The following WWOX variants were observed in gnomAD, a reference collection of about 807,000 sequenced individuals.
The protein encoded by WWOX is WW domain containing oxidoreductase.
In WWOX, 69 loss-of-function variants were observed where a neutral mutation model predicts 46.2. That is an observed-to-expected ratio of 1.49 (90% confidence interval 1.23 to 1.82). The LOEUF is 1.82. Ranked by LOEUF, WWOX falls within the 40% of genes most tolerant of loss-of-function variation. The pLI, the probability that WWOX is intolerant of heterozygous loss-of-function variation, is 0.00. For missense variants in WWOX, 919 were observed against 542.6 expected, an observed-to-expected ratio of 1.69 and a Z score of -6.89; for synonymous variants, 359 against 202.6, an observed-to-expected ratio of 1.77 and a Z score of -6.56.
intron 5 of WWOX, among the ~76,000 whole-genome samples, chr16:78,216,931 G>C (rs9934402): frequency 0.85 from 129,177 of 152,118 alleles, 55,362 homozygotes; most frequent in African/African-American, 0.96. Context: ...CCATGTTGGC[G>C]AGGCTGGTCT....
At chr16:78,979,198 A>AG (rs1167476462) in intron 8 of WWOX, among the ~76,000 whole-genome samples, 5 of 152,134 alleles carry the variant, frequency 3.3e-5, no homozygotes, top group African/African-American at 1.2e-4. Flanking sequence ...CGTTACAAAA[A>AG]GAATTCACAT....
chr16:79,102,921 C>G (rs1482691505), intron 8 of WWOX, among the ~76,000 whole-genome samples: 1 of 150,046 alleles, frequency 6.7e-6, no homozygotes, highest in Non-Finnish European at 1.5e-5. Context: ...GGCTCCTCCT[C>G]TCTGTCCTCT....
intron 8 of WWOX, among the ~76,000 whole-genome samples, chr16:79,007,909 C>T (rs2047221543): frequency 6.6e-6 from 1 of 152,190 alleles, no homozygotes; most frequent in African/African-American, 2.4e-5. Context: ...CTCATAACAA[C>T]CTTGGGAGGT....
intron 8 of WWOX, among the ~76,000 whole-genome samples, chr16:79,008,976 C>G (rs149000648): frequency 5.9e-5 from 9 of 152,342 alleles, no homozygotes; most frequent in African/African-American, 1.4e-4. Context: ...AGCTCTGTGA[C>G]GCCAGTGCAA....
chr16:78,369,844 A>G (rs1230750115), intron 5 of WWOX, among the ~76,000 whole-genome samples: 2 of 151,892 alleles, frequency 1.3e-5, no homozygotes, highest in Non-Finnish European at 2.9e-5. Flanking sequence ...TGTAATGGAA[A>G]CCATAAGGGC....
At position 78,900,660 on chromosome 16, in the gene WWOX, T is replaced by C. The variant is rs191425633; in HGVS notation, c.1057-310948T>C. Among the ~76,000 whole-genome samples, 99 of 152,318 alleles carry C rather than the reference T, an allele frequency of 6.5e-4. 1 individual carries two copies. Among genetic ancestry groups the C allele is most frequent in the Middle Eastern group, 6.8e-3 (2 of 294 alleles). On this transcript the variant is annotated intron_variant, in intron 8 of 8. Coordinates refer to ENST00000566780, the MANE Select transcript of WWOX (RefSeq NM_016373.4). ...CTTTCCTCTTTGGTTGCTTTGTAAATCTATTACTCATCAGATCATATGTTT... is the reference window on the plus strand; with the variant it reads ...CTTTCCTCTTTGGTTGCTTTGTAAACCTATTACTCATCAGATCATATGTTT...
intron 8 of WWOX, among the ~76,000 whole-genome samples, chr16:78,705,716 A>C (rs1055868705): frequency 6.6e-6 from 1 of 152,194 alleles, no homozygotes; most frequent in Non-Finnish European, 1.5e-5. Flanking sequence ...TTCCTTTTCT[A>C]TGCCTTTGGT....
chr16:78,272,655 A>G (rs2079501747), intron 5 of WWOX, among the ~76,000 whole-genome samples: 1 of 152,234 alleles, frequency 6.6e-6, no homozygotes, highest in African/African-American at 2.4e-5. Flanking sequence ...TGATTAAGTG[A>G]GATATCATGT....
chr16:78,605,082 C>T (rs1159695401), intron 8 of WWOX, among the ~76,000 whole-genome samples: 3 of 148,324 alleles, frequency 2.0e-5, no homozygotes, highest in African/African-American at 7.5e-5. Context: ...TTTTTAAAGC[C>T]CTCAGTTGGC....
At chr16:78,442,572 T>C (rs979793339) in intron 8 of WWOX, among the ~76,000 whole-genome samples, 1 of 152,164 alleles carries the variant, frequency 6.6e-6, no homozygotes, top group Non-Finnish European at 1.5e-5. Flanking sequence ...GCCTGGCTTA[T>C]TTTACGATAA....
rs939124263 is a variant in WWOX at position 78,508,565 on chromosome 16, G to C, written c.1056+75813G>C. Among the ~76,000 whole-genome samples, 9 of 152,082 alleles carry C rather than the reference G, an allele frequency of 5.9e-5. No individual in the cohort carries two copies. The South Asian group carries it at 6.2e-4, about 11-fold the overall frequency. ...CCTCACACCCAGTCCCTATTCTTAG[G>C]TTTTATTTCTCAAACCAGGTTTTGC... On this transcript the variant is annotated intron_variant, in intron 8 of 8. Coordinates refer to ENST00000566780, the MANE Select transcript of WWOX (RefSeq NM_016373.4).
At position 79,209,518 on chromosome 16, in the gene WWOX, G is replaced by A. The variant is rs539140139; in HGVS notation, c.1057-2090G>A. ...GTATAACCATTGTGGCATAGAGGGC[G>A]GGAGGCTGGACTTGAAATGGGTGAG... is the stretch of plus-strand genomic sequence containing the variant. On this transcript the variant is annotated intron_variant, in intron 8 of 8. Coordinates refer to ENST00000566780, the MANE Select transcript of WWOX (RefSeq NM_016373.4). Among the ~76,000 whole-genome samples, 12 of 152,268 alleles carry A rather than the reference G, an allele frequency of 7.9e-5. No homozygotes were observed. In the East Asian group the frequency reaches 9.7e-4, roughly 12 times the overall value.
chr16:79,006,331 G>A (rs1207297239), intron 8 of WWOX, among the ~76,000 whole-genome samples: 6 of 152,070 alleles, frequency 3.9e-5, no homozygotes, highest in Non-Finnish European at 7.4e-5. Flanking sequence ...GCAGAGACCC[G>A]GGGGCCTCAG....
intron 8 of WWOX, among the ~76,000 whole-genome samples, chr16:79,208,020 C>T (rs1400292816): frequency 6.6e-6 from 1 of 152,208 alleles, no homozygotes; most frequent in Non-Finnish European, 1.5e-5. Flanking sequence ...CAACTGCTTT[C>T]TAAATCCCAC....
intron 8 of WWOX, among the ~76,000 whole-genome samples, chr16:78,505,312 G>A (rs990479851): frequency 1.3e-5 from 2 of 152,158 alleles, no homozygotes; most frequent in African/African-American, 2.4e-5. Flanking sequence ...CCAAGACTCC[G>A]AGGCAGCTTC....
chr16:78,981,964 C>A (rs764826130), intron 8 of WWOX: 1 of 152,134 alleles, frequency 6.6e-6, no homozygotes, highest in African/African-American at 2.4e-5. Context: ...GAGACCCTCC[C>A]AGAACATTGA....
intron 8 of WWOX, among the ~76,000 whole-genome samples, chr16:78,564,352 G>T (rs1040133843): frequency 5.3e-5 from 8 of 152,204 alleles, no homozygotes; most frequent in African/African-American, 1.9e-4. Flanking sequence ...GAAGTATTCA[G>T]TTATTTGGTG....
chr16:78,480,884 G>A (rs985725701), intron 8 of WWOX, among the ~76,000 whole-genome samples: 1 of 152,216 alleles, frequency 6.6e-6, no homozygotes, highest in Non-Finnish European at 1.5e-5. Flanking sequence ...AACCGTCACA[G>A]AATGAACAAG....
chr16:78,788,296 C>T (rs999637622), intron 8 of WWOX, among the ~76,000 whole-genome samples: 3 of 151,890 alleles, frequency 2.0e-5, no homozygotes, highest in Non-Finnish European at 4.4e-5. Context: ...TCTCATAGCC[C>T]TTGTTGCAGT....
Sources: allele counts gnomAD v4.1 joint callset (sites outside exome capture counted in the v4.1 genomes callset), GRCh38; gene constraint gnomAD v4.1.1; transcripts MANE v1.5; gene names NCBI Gene and HGNC (gene_info 2026-07-23, HGNC 2026-07-21).